The following CLCN5 variants were observed in gnomAD, a reference collection of about 807,000 sequenced individuals.
CLCN5 encodes H(+)/Cl(-) exchange transporter 5.
Under a neutral mutation model 54.0 loss-of-function variants are expected in CLCN5, and 17 were observed. The observed-to-expected ratio is 0.31, with a 90% CI of 0.22 to 0.47. CLCN5 has a LOEUF of 0.47. Ranked by LOEUF, CLCN5 falls within the 20% of genes least tolerant of loss-of-function variation. The pLI is 1.00. For synonymous variants in CLCN5, 222 were observed against 233.0 expected (o/e 0.95, Z 0.43); for missense variants, 448 against 646.7 (o/e 0.69, Z 3.33).
intron 3 of CLCN5, among the ~76,000 whole-genome samples, chrX:50,007,397 TTCTCTCTCTC>T (rs781888075): frequency 4.3e-3 from 280 of 64,387 alleles, no homozygotes; most frequent in Middle Eastern, 8.6e-3. Context: ...CTCTCTCTCT[TTCTCTCTCTC>T]TCTCTCTCTC....
chrX:50,040,787 G>C (rs782032575), intron 3 of CLCN5, among the ~76,000 whole-genome samples: 31 of 111,738 alleles, frequency 2.8e-4, no homozygotes, highest in Middle Eastern at 4.6e-3. Flanking sequence ...CATCATTTTT[G>C]TATCTGGCCC....
chrX:49,993,658 G>A, intron 3 of CLCN5, among the ~76,000 whole-genome samples: 1 of 112,669 alleles, frequency 8.9e-6, no homozygotes, highest in East Asian at 2.8e-4. Context: ...TATTCAATGA[G>A]AACACAATAA....
At chrX:49,989,149 T>C (rs928876201) in intron 3 of CLCN5, among the ~76,000 whole-genome samples, 23 of 108,930 alleles carry the variant, frequency 2.1e-4, no homozygotes, top group African/African-American at 6.4e-4. Flanking sequence ...CGTGGCTCAC[T>C]GCAGCCTGGA....
At chrX:50,011,620 G>T (rs961607851) in intron 3 of CLCN5, among the ~76,000 whole-genome samples, 1 of 112,267 alleles carries the variant, frequency 8.9e-6, no homozygotes, top group Non-Finnish European at 1.9e-5. Flanking sequence ...CATTCTCAGC[G>T]TGCAAGCCAG....
rs1934036553 is a variant in CLCN5 at position 50,090,111 on chromosome X, T to C, written c.1745-5T>C. 30 of 1,210,164 alleles carry C rather than the reference T, an allele frequency of 2.5e-5. No individual in the cohort carries two copies. Among genetic ancestry groups the C allele is most frequent in the Non-Finnish European group, 3.1e-5 (28 of 894,381 alleles). On this transcript the variant is annotated splice_polypyrimidine_tract_variant and splice_region_variant and intron_variant, in intron 12 of 14. Coordinates refer to ENST00000376091, the MANE Select transcript of CLCN5 (RefSeq NM_001127898.4). ...CCTGAGTAGACTGTGTCTATTTCTT[T>C]GCAGGTGGGGTGACTCGGATGACTG...
chrX:50,025,721 G>A (rs1295998301), intron 3 of CLCN5, among the ~76,000 whole-genome samples: 2 of 109,490 alleles, frequency 1.8e-5, no homozygotes, highest in African/African-American at 3.3e-5. Context: ...CTGTCATCCC[G>A]TTTCCTTTTC....
intron 7 of CLCN5, 62 bp from the exon 8 acceptor site, chrX:50,080,532 G>A: frequency 3.1e-6 from 3 of 956,866 alleles, no homozygotes; most frequent in Non-Finnish European, 4.3e-6. Flanking sequence ...TTACTCAGAA[G>A]AGCTGCATGT....
chrX:49,973,277 A>G (rs1262099647), intron 3 of CLCN5, among the ~76,000 whole-genome samples: 2 of 112,107 alleles, frequency 1.8e-5, no homozygotes, highest in Non-Finnish European at 3.8e-5. Context: ...AATGGAATAT[A>G]GGAAGAAAAT....
Position 50,093,885 on chromosome X carries a change from C to T in CLCN5, c.*1666C>T, listed in dbSNP as rs1557195175. On this transcript the variant is annotated 3_prime_UTR_variant, in exon 15 of 15. Transcript: ENST00000376091. ...TGGCCCAGTTGCTGCTGCCATGCCT[C>T]CATTTCCACACTGGATGCCTACGGC... 8.9e-6 allele frequency: 1 copy of T among 111,940 alleles called. No homozygotes were observed. The highest frequency in any genetic ancestry group is 3.3e-5 in the African/African-American group (1 of 30,762). The allele number at this position is 111,940 out of a possible 1,213,427, so 9.2% of individuals were successfully genotyped here. A position where few individuals can be genotyped will look rare whatever the true frequency, so the allele number is the denominator to read the frequency against.
chrX:49,969,245 T>C lies in CLCN5; in HGVS notation c.16+43931T>C, dbSNP rs1305259163. On this transcript the variant is annotated intron_variant, in intron 3 of 14. Transcript: ENST00000376091. ...GGTGCATGCCACCACATCCAACTAA[T>C]TTTTGTACTTTTAGTAGAGACAGGG... Among the ~76,000 whole-genome samples the C allele has an allele frequency of 3.6e-5, 4 of 111,215 alleles. No individual in the cohort carries two copies. In the East Asian group the frequency reaches 1.1e-3, roughly 32 times the overall value.
intron 9 of CLCN5, 112 bp downstream of exon 9, chrX:50,081,959 C>A: frequency 1.5e-6 from 1 of 645,802 alleles, no homozygotes; most frequent in Non-Finnish European, 2.4e-6. Context: ...ACCCTTTGAC[C>A]CAGCAATTCC....
chrX:49,965,544 A>ACATGCTCATC (rs1172002534), intron 3 of CLCN5, among the ~76,000 whole-genome samples: 2 of 112,204 alleles, frequency 1.8e-5, no homozygotes, highest in Non-Finnish European at 3.8e-5. Flanking sequence ...TAATACATAG[A>ACATGCTCATC]TGAGCATGTC....
intron 3 of CLCN5, chrX:50,009,755 G>C: frequency 2.6e-6 from 1 of 386,871 alleles, no homozygotes; most frequent in Non-Finnish European, 5.2e-6. Flanking sequence ...CCCTGGGTGA[G>C]AGTGCTTTCT....
chrX:49,990,165 G>A (rs113715449), intron 3 of CLCN5, among the ~76,000 whole-genome samples: 5,496 of 110,505 alleles, frequency 0.05, 350 homozygotes, highest in African/African-American at 0.17. Context: ...ATTTGGTAAT[G>A]TGGATAATTT....
chrX:49,934,748 T>C (rs1557169371), intron 3 of CLCN5, among the ~76,000 whole-genome samples: 1 of 112,144 alleles, frequency 8.9e-6, no homozygotes, highest in African/African-American at 3.2e-5. Flanking sequence ...TGTGAGATAC[T>C]AGACACTGAA....
intron 3 of CLCN5, among the ~76,000 whole-genome samples, chrX:49,964,431 A>G (rs1452152236): frequency 8.9e-6 from 1 of 111,870 alleles, no homozygotes; most frequent in Non-Finnish European, 1.9e-5. Context: ...TGAGGTGGAT[A>G]CTGTTTTCAC....
At chrX:50,019,066 T>C (rs1157719943) in intron 3 of CLCN5, among the ~76,000 whole-genome samples, 1 of 111,811 alleles carries the variant, frequency 8.9e-6, no homozygotes, top group Non-Finnish European at 1.9e-5. Context: ...TCCATCTGGG[T>C]CTAGGGCTTT....
chrX:50,035,194 C>T (rs1931934472), intron 3 of CLCN5, among the ~76,000 whole-genome samples: 2 of 111,711 alleles, frequency 1.8e-5, no homozygotes, highest in African/African-American at 6.5e-5. Context: ...AACAATTTAA[C>T]ACCTAGCTGC....
At chrX:49,935,235 G>C (rs1387385344) in intron 3 of CLCN5, among the ~76,000 whole-genome samples, 1 of 111,721 alleles carries the variant, frequency 9.0e-6, no homozygotes, top group Non-Finnish European at 1.9e-5. Context: ...ACCCCTGCTG[G>C]CCTAGATCAT....
Sources: allele counts gnomAD v4.1 joint callset (sites outside exome capture counted in the v4.1 genomes callset), GRCh38; gene constraint gnomAD v4.1.1; transcripts MANE v1.5; gene names NCBI Gene and HGNC (gene_info 2026-07-23, HGNC 2026-07-21).